Variants in TENM4 observed in about 807,000 individuals in gnomAD.
The protein encoded by TENM4 is teneurin transmembrane protein 4.
Under a neutral mutation model 243.3 loss-of-function variants are expected in TENM4, and 82 were observed. The observed-to-expected ratio is 0.34, with a 90% confidence interval of 0.28 to 0.40. The LOEUF (loss-of-function observed/expected upper bound fraction) is 0.40. Ranked by LOEUF, TENM4 falls within the 10% of genes least tolerant of loss-of-function variation. TENM4 has a pLI of 1.00. For missense variants in TENM4, 3,138 were observed against 3,673.3 expected (o/e 0.85, Z 3.77); for synonymous variants, 1,412 against 1,456.3 (o/e 0.97, Z 0.69).
At chr11:78,855,415 G>C (rs1858657799) in intron 11 of TENM4, among the ~76,000 whole-genome samples, 1 of 152,172 alleles carries the variant, frequency 6.6e-6, no homozygotes, top group African/African-American at 2.4e-5. Context: ...TGGTGTGCAT[G>C]TGTTTGAGTC....
Position 79,069,741 on chromosome 11 carries a change from G to T in TENM4, c.204C>A (p.Ala68=), listed in dbSNP as rs755892773. The change falls in exon 5 of 34, where the codon GCC becomes GCA. Residue 68 remains alanine (A), a synonymous_variant. Coordinates refer to ENST00000278550, the MANE Select transcript of TENM4 (RefSeq NM_001098816.3). ...CCTTACCTGTGCGGCAGAATTCCTCGGCCTCCTGCGGCACAATGTCCTTGA... is the reference window on the plus strand; with the variant it reads ...CCTTACCTGTGCGGCAGAATTCCTCTGCCTCCTGCGGCACAATGTCCTTGA... ...SRVKDIVPQE[A]EEFCRTGANF... is the part of the protein sequence containing the mutation. 5.2e-6 allele frequency: 8 copies of T among 1,550,656 alleles called. No individual in the cohort carries two copies. In the African/African-American group the frequency reaches 8.2e-5, roughly 16 times the overall value.
chr11:78,661,606 A>G lies in TENM4; in HGVS notation c.7409-15T>C. 6.2e-7 allele frequency: 1 copy of G among 1,611,942 alleles called. No homozygotes were observed. The highest frequency in any genetic ancestry group is 8.5e-7 in the Non-Finnish European group (1 of 1,179,146). ...GCTGTTAACATCTGGATGGGAGGGA[A>G]GCAGAAACATCTCCATGGAGTGAGT... On this transcript the variant is annotated splice_polypyrimidine_tract_variant and intron_variant, in intron 32 of 33. Coordinates refer to ENST00000278550, the MANE Select transcript of TENM4 (RefSeq NM_001098816.3).
chr11:79,058,715 T>G (rs1214283334), intron 6 of TENM4, among the ~76,000 whole-genome samples: 2 of 152,156 alleles, frequency 1.3e-5, no homozygotes, highest in African/African-American at 4.8e-5. Flanking sequence ...TTGGTGGGCT[T>G]GTTGTCTCCA....
chr11:78,995,212 C>A (rs573373837), intron 6 of TENM4, among the ~76,000 whole-genome samples: 1 of 152,090 alleles, frequency 6.6e-6, no homozygotes, highest in South Asian at 2.1e-4. Flanking sequence ...AGAGACACAC[C>A]GTACCGGCTG....
chr11:78,802,888 T>C (rs1030440510), intron 15 of TENM4, among the ~76,000 whole-genome samples: 1 of 152,222 alleles, frequency 6.6e-6, no homozygotes, highest in Non-Finnish European at 1.5e-5. Context: ...TTAGAATCTA[T>C]ATTTCTGAAA....
intron 9 of TENM4, among the ~76,000 whole-genome samples, chr11:78,878,179 C>T (rs1459974435): frequency 6.6e-6 from 1 of 152,138 alleles, no homozygotes; most frequent in African/African-American, 2.4e-5. Flanking sequence ...CTCTCCATGC[C>T]TTGCAACATC....
Position 78,701,961 on chromosome 11 carries a change from T to C in TENM4, c.4652A>G (p.Tyr1551Cys). Residue 1551 changes from tyrosine (Y) to cysteine (C), a missense_variant, in exon 28 of 34, where the codon TAC becomes TGC. Physicochemically the swap from Tyr to Cys is radical, Grantham distance 194. Around this residue, in one of 2 missense-constraint regions of TENM4, gnomAD observed 2,467 missense variants for 3,059.1 expected, o/e 0.81. Transcript: ENST00000278550. Reference protein sequence around the residue: ...SLAVCADGELYVADLGNIRIR... With the variant: ...SLAVCADGELCVADLGNIRIR... Reference sequence around the variant, plus strand: ...TCGGATGTTCCCAAGGTCGGCCACGTAGAGCTCCCCATCAGCACACACAGC... The same window carrying C: ...TCGGATGTTCCCAAGGTCGGCCACGCAGAGCTCCCCATCAGCACACACAGC... 6.2e-7 allele frequency: 1 copy of C among 1,614,032 alleles called. No individual in the cohort carries two copies. Among genetic ancestry groups the C allele is most frequent in the Non-Finnish European group, 8.5e-7 (1 of 1,179,902 alleles).
At chr11:79,258,268 C>T (rs1285728892) in intron 2 of TENM4, among the ~76,000 whole-genome samples, 4 of 152,212 alleles carry the variant, frequency 2.6e-5, no homozygotes, top group Admixed American at 2.6e-4. Context: ...ACTACATCTA[C>T]ATTCTGCAGG....
At chr11:78,720,964 A>AC (rs563854614) in intron 24 of TENM4, among the ~76,000 whole-genome samples, 137 of 152,306 alleles carry the variant, frequency 9.0e-4, no homozygotes, top group African/African-American at 2.6e-3. Context: ...TTCAAATTTC[A>AC]CTTATATCTC....
intron 6 of TENM4, among the ~76,000 whole-genome samples, chr11:79,047,055 G>A (rs1262870060): frequency 1.3e-5 from 2 of 152,158 alleles, no homozygotes; most frequent in Non-Finnish European, 1.5e-5. Context: ...CCATGGCTTT[G>A]CCAAGATTGA....
At chr11:78,822,111 G>T (rs1857746155) in intron 12 of TENM4, among the ~76,000 whole-genome samples, 1 of 152,142 alleles carries the variant, frequency 6.6e-6, no homozygotes, top group African/African-American at 2.4e-5. Context: ...TTCAAGGAGA[G>T]AGCAAATTAA....
At chr11:78,923,718 A>T (rs868836615) in intron 6 of TENM4, among the ~76,000 whole-genome samples, 4 of 9,444 alleles carry the variant, frequency 4.2e-4, no homozygotes, top group Non-Finnish European at 1.3e-3. Context: ...TTTTTTTTTT[A>T]AAGTAGAGAT....
chr11:78,701,383 G>A (rs1200868477), intron 28 of TENM4, 143 bp downstream of exon 28: 2 of 1,168,068 alleles, frequency 1.7e-6, no homozygotes, highest in Admixed American at 5.9e-5. Context: ...AAATCATGTG[G>A]AATATGAACA....
chr11:79,340,010 G>A (rs1857216003), intron 1 of TENM4, among the ~76,000 whole-genome samples: 1 of 152,102 alleles, frequency 6.6e-6, no homozygotes, highest in Non-Finnish European at 1.5e-5. Flanking sequence ...TTCTGCCAGG[G>A]TGGTGAAAAA....
intron 15 of TENM4, among the ~76,000 whole-genome samples, chr11:78,793,849 T>C (rs1049830048): frequency 1.3e-5 from 2 of 152,218 alleles, no homozygotes; most frequent in Admixed American, 6.5e-5. Context: ...TTTTGGCCTA[T>C]GAGTTGTGGG....
chr11:78,670,931 C>T (rs548864169), intron 31 of TENM4, among the ~76,000 whole-genome samples: 20 of 152,266 alleles, frequency 1.3e-4, no homozygotes, highest in Middle Eastern at 3.4e-3. Flanking sequence ...GGTGTGAGAA[C>T]GGCCAAGAAG....
At chr11:79,120,839 T>C (rs534413999) in intron 4 of TENM4, among the ~76,000 whole-genome samples, 1 of 152,266 alleles carries the variant, frequency 6.6e-6, no homozygotes, top group South Asian at 2.1e-4. Context: ...ATAAATAACT[T>C]ACTATTTGTT....
At chr11:79,015,316 C>T (rs1160814592) in intron 6 of TENM4, among the ~76,000 whole-genome samples, 2 of 152,028 alleles carry the variant, frequency 1.3e-5, no homozygotes, top group Non-Finnish European at 2.9e-5. Context: ...TCTCAAACAC[C>T]TTTGCTGCAC....
intron 9 of TENM4, among the ~76,000 whole-genome samples, chr11:78,871,864 AG>A (rs1859139566): frequency 6.6e-6 from 1 of 152,190 alleles, no homozygotes; most frequent in Non-Finnish European, 1.5e-5. Flanking sequence ...AAGCAAGGAA[AG>A]GAAGGAGACA....
Sources: allele counts gnomAD v4.1 joint callset (sites outside exome capture counted in the v4.1 genomes callset), GRCh38; gene constraint gnomAD v4.1.1; regional missense constraint gnomAD v4.1.1; transcripts MANE v1.5; gene names NCBI Gene and HGNC (gene_info 2026-07-23, HGNC 2026-07-21).